SNX29: variants seen among roughly 807,000 people sequenced by gnomAD.
SNX29 encodes sorting nexin-29.
Under a neutral mutation model 102.1 loss-of-function variants are expected in SNX29, and 78 were observed. That is an observed-to-expected ratio of 0.76 (90% CI 0.64 to 0.92). The LOEUF (loss-of-function observed/expected upper bound fraction) is 0.92. SNX29 is among the 40% of genes least tolerant of loss of function. The pLI is 0.00. For missense variants in SNX29, 1,280 were observed against 1,061.7 expected, an observed-to-expected ratio of 1.21 and a Z score of -2.86; for synonymous variants, 580 against 414.5, an observed-to-expected ratio of 1.40 and a Z score of -4.85.
At chr16:12,347,375 C>A (rs541900381) in intron 15 of SNX29, among the ~76,000 whole-genome samples, 1 of 151,834 alleles carries the variant, frequency 6.6e-6, no homozygotes, top group Non-Finnish European at 1.5e-5. Flanking sequence ...TGGGGCCAGC[C>A]GTCCCCACAG....
At position 12,180,317 on chromosome 16, in the gene SNX29, G is replaced by T. The variant is rs1335369942; in HGVS notation, c.1596-19284G>T. 3.9e-5 allele frequency among the ~76,000 whole-genome samples: 6 copies of T among 152,202 alleles called. No homozygotes were observed. In the South Asian group the frequency reaches 8.3e-4, roughly 21 times the overall value. On this transcript the variant is annotated intron_variant, in intron 13 of 20. Transcript: ENST00000566228. ...CTGCATTTTTCTGGTTCTGGCGTAC[G>T]TTGTTCTTTTATGTCATTTTTGTAT...
intron 13 of SNX29, among the ~76,000 whole-genome samples, chr16:12,154,462 T>C (rs766339277): frequency 7.2e-5 from 11 of 152,128 alleles, no homozygotes; most frequent in Non-Finnish European, 1.5e-4. Flanking sequence ...CTGGCTGTGG[T>C]TCCTAATTAC....
At chr16:12,247,289 A>C (rs2078287422) in intron 14 of SNX29, among the ~76,000 whole-genome samples, 1 of 152,196 alleles carries the variant, frequency 6.6e-6, no homozygotes, top group Non-Finnish European at 1.5e-5. Flanking sequence ...TATGGGAGAT[A>C]AAGTGGACAA....
At chr16:12,565,565 C>G (rs551021293) in intron 20 of SNX29, among the ~76,000 whole-genome samples, 2 of 152,064 alleles carry the variant, frequency 1.3e-5, no homozygotes, top group South Asian at 2.1e-4. Flanking sequence ...TCACAGAAGC[C>G]TACTGTCACA....
At chr16:12,005,725 C>T (rs2056430079) in intron 3 of SNX29, among the ~76,000 whole-genome samples, 1 of 152,156 alleles carries the variant, frequency 6.6e-6, no homozygotes, top group Non-Finnish European at 1.5e-5. Context: ...ATTCAAAATG[C>T]TCCAAAATTC....
chr16:12,134,380 G>A (rs749708903), intron 13 of SNX29, among the ~76,000 whole-genome samples: 9 of 152,192 alleles, frequency 5.9e-5, no homozygotes, highest in Non-Finnish European at 1.0e-4. Flanking sequence ...AGGGCATCAG[G>A]GTCTCTCATG....
intron 18 of SNX29, among the ~76,000 whole-genome samples, chr16:12,468,677 C>A (rs1174131563): frequency 6.6e-6 from 1 of 152,232 alleles, no homozygotes; most frequent in Non-Finnish European, 1.5e-5. Flanking sequence ...TGGTTTTGTT[C>A]TCCATGATAG....
chr16:12,074,879 T>G (rs2051475357), intron 10 of SNX29, among the ~76,000 whole-genome samples: 1 of 152,204 alleles, frequency 6.6e-6, no homozygotes, highest in South Asian at 2.1e-4. Flanking sequence ...TATTCTTTTT[T>G]CTCTCAAATT....
intron 18 of SNX29, among the ~76,000 whole-genome samples, chr16:12,453,868 C>T (rs573410734): frequency 7.2e-5 from 11 of 152,230 alleles, no homozygotes; most frequent in East Asian, 5.8e-4. Flanking sequence ...TTTTTGTCCC[C>T]TGGCCTTCCA....
At chr16:12,216,766 C>G (rs868199312) in intron 14 of SNX29, among the ~76,000 whole-genome samples, 1 of 120,640 alleles carries the variant, frequency 8.3e-6, no homozygotes, top group Non-Finnish European at 1.6e-5. Flanking sequence ...GCTGAGTCTT[C>G]AAATTCACTC....
At chr16:12,230,765 T>G (rs1596569614) in intron 14 of SNX29, among the ~76,000 whole-genome samples, 1 of 152,218 alleles carries the variant, frequency 6.6e-6, no homozygotes, top group African/African-American at 2.4e-5. Flanking sequence ...GGCTGCACGT[T>G]GGAGTTGCAA....
chr16:12,501,526 A>C (rs2089122039), intron 19 of SNX29, among the ~76,000 whole-genome samples: 1 of 152,164 alleles, frequency 6.6e-6, no homozygotes, highest in African/African-American at 2.4e-5. Context: ...GTTCAAGACC[A>C]GCCTGGCCAA....
At chr16:12,249,495 A>G (rs1038252332) in intron 14 of SNX29, among the ~76,000 whole-genome samples, 5 of 152,224 alleles carry the variant, frequency 3.3e-5, no homozygotes, top group African/African-American at 1.2e-4. Context: ...GGACTGCACA[A>G]GCGTGTGGAT....
chr16:12,199,719 G>A (rs771061992), intron 14 of SNX29, 36 bp downstream of exon 14: 11 of 1,585,876 alleles, frequency 6.9e-6, no homozygotes, highest in Non-Finnish European at 9.5e-6. Flanking sequence ...GGGAGGGGCC[G>A]GGCTTTTCCA....
intron 13 of SNX29, among the ~76,000 whole-genome samples, chr16:12,162,335 A>C (rs2055823166): frequency 6.6e-6 from 1 of 152,162 alleles, no homozygotes; most frequent in Non-Finnish European, 1.5e-5. Context: ...GAAATGATCA[A>C]TACTTGGTTG....
In SNX29 at chr16:12,479,666, A is replaced by G. The variant is rs74009203; in HGVS notation, c.2178+1807A>G. Among the ~76,000 whole-genome samples, 1,502 of 152,368 alleles carry G rather than the reference A, an allele frequency of 9.9e-3. 29 individuals carry two copies. The highest frequency in any genetic ancestry group is 0.034 in the African/African-American group (1,416 of 41,594). On this transcript the variant is annotated intron_variant, in intron 19 of 20. Coordinates refer to ENST00000566228, the MANE Select transcript of SNX29 (RefSeq NM_032167.5). ...ATATATTGATTTAATCTAATGACCC[A>G]TAGGCTCATACAAATCTTGGGAGTT...
chr16:11,990,388 A>G (rs1159702510), intron 1 of SNX29, among the ~76,000 whole-genome samples: 6 of 152,090 alleles, frequency 3.9e-5, no homozygotes, highest in Non-Finnish European at 5.9e-5. Flanking sequence ...TGTTCTTGCA[A>G]TCTGTGCCTT....
intron 20 of SNX29, among the ~76,000 whole-genome samples, chr16:12,567,760 C>T (rs377429422): frequency 1.3e-5 from 2 of 152,130 alleles, no homozygotes; most frequent in African/African-American, 4.8e-5. Flanking sequence ...GAGACTGTCT[C>T]CAGAAAATAC....
chr16:12,476,084 GC>G (rs369865942), intron 18 of SNX29, among the ~76,000 whole-genome samples: 76 of 151,966 alleles, frequency 5.0e-4, no homozygotes, highest in African/African-American at 1.7e-3. Flanking sequence ...ACTTTGTGAG[GC>G]CAAGGCAGGC....
Sources: allele counts gnomAD v4.1 joint callset (sites outside exome capture counted in the v4.1 genomes callset), GRCh38; gene constraint gnomAD v4.1.1; transcripts MANE v1.5; gene names NCBI Gene and HGNC (gene_info 2026-07-23, HGNC 2026-07-21).